Variants in CTDP1 observed in about 807,000 individuals in gnomAD.
CTDP1 encodes RNA polymerase II subunit A C-terminal domain phosphatase.
In CTDP1, 47 loss-of-function variants were observed where a neutral mutation model predicts 91.8. The observed-to-expected ratio is 0.51, with a 90% CI of 0.41 to 0.65. The LOEUF (loss-of-function observed/expected upper bound fraction) is 0.65. Among genes scored for constraint, CTDP1 ranks in the 30% least tolerant of loss-of-function variants. CTDP1 has a pLI of 0.00. For synonymous variants in CTDP1, 656 were observed against 598.5 expected, an observed-to-expected ratio of 1.10 and a Z score of -1.40; for missense variants, 1,272 against 1,373.7, an observed-to-expected ratio of 0.93 and a Z score of 1.17.
intron 10 of CTDP1, among the ~76,000 whole-genome samples, chr18:79,719,701 C>T (rs758911246): frequency 8.0e-5 from 12 of 149,348 alleles, no homozygotes; most frequent in Non-Finnish European, 1.5e-4. Flanking sequence ...GATGTCACCT[C>T]CCATTAGGAA....
intron 11 of CTDP1, among the ~76,000 whole-genome samples, chr18:79,730,520 C>T (rs774553735): frequency 1.1e-3 from 165 of 152,210 alleles, no homozygotes; most frequent in Admixed American, 3.9e-4. Flanking sequence ...CAGCTTTCAG[C>T]CACCCCAAAA....
Position 79,714,925 on chromosome 18 carries a change from G to A in CTDP1, c.1465G>A (p.Ala489Thr). ...GAAAAGAGGCCGGCAGAAGCCGAAG[G>A]CTGCCCCAGAGGGAGCCGGGGCGCT... ...EGKRGRQKPK[A>T]APEGAGALAQ... Residue 489 changes from alanine to threonine, a missense_variant, in exon 8 of 13, where the codon GCT (alanine) becomes ACT (threonine). Transcript: ENST00000613122. The A allele has an allele frequency of 1.3e-6, 2 of 1,564,906 alleles. No individual in the cohort carries two copies. The highest frequency in any genetic ancestry group is 1.7e-6 in the Non-Finnish European group (2 of 1,155,002).
At chr18:79,736,078 T>A in intron 11 of CTDP1, 1 of 524,444 alleles carries the variant, frequency 1.9e-6, no homozygotes. Flanking sequence ...GCACCAGGAA[T>A]AAAGTCCCTG....
chr18:79,684,510 G>A (rs2085443162), intron 1 of CTDP1, among the ~76,000 whole-genome samples: 1 of 152,114 alleles, frequency 6.6e-6, no homozygotes, highest in African/African-American at 2.4e-5. Flanking sequence ...GTGGGTCCGT[G>A]CCCTCGTTGC....
chr18:79,750,606 G>A (rs941530989), intron 12 of CTDP1, among the ~76,000 whole-genome samples: 1 of 148,702 alleles, frequency 6.7e-6, no homozygotes, highest in Middle Eastern at 3.5e-3. Flanking sequence ...CAATTCTCGT[G>A]CCCCGGCTTC....
chr18:79,736,856 C>T (rs115000070), intron 12 of CTDP1, among the ~76,000 whole-genome samples: 8 of 140,778 alleles, frequency 5.7e-5, no homozygotes, highest in African/African-American at 2.1e-4. Flanking sequence ...TGTCTACAGG[C>T]GTGTGTGAGG....
intron 12 of CTDP1, among the ~76,000 whole-genome samples, chr18:79,750,452 C>G (rs368501158): frequency 2.0e-4 from 30 of 152,072 alleles, no homozygotes; most frequent in African/African-American, 6.0e-4. Flanking sequence ...TCGTTTAAAA[C>G]TTGGACGGCA....
chr18:79,711,915 G>C (rs1394700589), intron 6 of CTDP1, among the ~76,000 whole-genome samples: 1 of 124,220 alleles, frequency 8.1e-6, no homozygotes, highest in African/African-American at 3.0e-5. Flanking sequence ...GTAACACCAT[G>C]TCAGGTGTGG....
At chr18:79,711,982 C>T (rs1476485363) in intron 6 of CTDP1, among the ~76,000 whole-genome samples, 1 of 10,068 alleles carries the variant, frequency 9.9e-5, no homozygotes, top group Non-Finnish European at 2.9e-4. Context: ...CTTCCTGGTT[C>T]TCGGTGGCCA....
intron 10 of CTDP1, among the ~76,000 whole-genome samples, chr18:79,720,513 GTGA>G (rs748588661): frequency 3.4e-5 from 5 of 149,242 alleles, no homozygotes; most frequent in South Asian, 4.3e-4. Context: ...TCGTGTCCTA[GTGA>G]TGATGTCACC....
At chr18:79,712,310 C>A (rs551498266) in intron 6 of CTDP1, among the ~76,000 whole-genome samples, 13 of 152,290 alleles carry the variant, frequency 8.5e-5, no homozygotes, top group African/African-American at 3.1e-4. Flanking sequence ...TTGAGACGGT[C>A]TGGCTCGGTC....
At chr18:79,684,799 A>G (rs562065225) in intron 1 of CTDP1, among the ~76,000 whole-genome samples, 1 of 152,370 alleles carries the variant, frequency 6.6e-6, no homozygotes, top group African/African-American at 2.4e-5. Context: ...ATAAGATTGT[A>G]TGTTTTTGTC....
chr18:79,735,224 G>A (rs556385418), intron 11 of CTDP1, among the ~76,000 whole-genome samples: 5 of 152,280 alleles, frequency 3.3e-5, no homozygotes, highest in Admixed American at 2.0e-4. Flanking sequence ...TACCTGCTGC[G>A]GGGGTGGGGT....
At chr18:79,720,058 G>GGTGATGAT (rs2086304819) in intron 10 of CTDP1, among the ~76,000 whole-genome samples, 1 of 148,450 alleles carries the variant, frequency 6.7e-6, no homozygotes, top group Non-Finnish European at 1.5e-5. Context: ...AAGGCGTCCT[G>GGTGATGAT]GTGATGATGT....
At chr18:79,723,490 G>A (rs541277035) in intron 10 of CTDP1, among the ~76,000 whole-genome samples, 8 of 152,308 alleles carry the variant, frequency 5.3e-5, no homozygotes, top group East Asian at 1.9e-4. Context: ...AACGTTGTAC[G>A]TTTTTTCTAA....
At position 79,715,297 on chromosome 18, in the gene CTDP1, A is replaced by G. The variant is rs753719249; in HGVS notation, c.1837A>G (p.Asn613Asp). 7 of 1,610,484 alleles carry G rather than the reference A, an allele frequency of 4.3e-6. No individual in the cohort carries two copies. The highest frequency in any genetic ancestry group is 5.9e-6 in the Non-Finnish European group (7 of 1,178,344). Residue 613 changes from asparagine to aspartate, a missense_variant, in exon 8 of 13, where the codon AAC (asparagine) becomes GAC (aspartate). Physicochemically the swap from Asn to Asp is conservative, Grantham distance 23. Transcript: ENST00000613122. ...DYYAKYDRYL[N>D]KEIEEAPDIR... ...CTATGCCAAGTATGACCGCTACCTC[A>G]ACAAGGAGATCGAGGAGGCGCCGGA...
At position 79,748,798 on chromosome 18, in the gene CTDP1, G is replaced by A. The variant is rs529187660; in HGVS notation, c.2748-4854G>A. ...TCATTATCATGTCTGTGTGTGAGCC[G>A]TGACTGCCTGGGAGCCGTGTCTGCC... On this transcript the variant is annotated intron_variant, in intron 12 of 12. Transcript: ENST00000613122. 9.9e-5 allele frequency among the ~76,000 whole-genome samples: 15 copies of A among 152,206 alleles called. No homozygotes were observed. In the East Asian group the frequency reaches 1.7e-3, roughly 18 times the overall value.
At chr18:79,693,667 G>A (rs1299081118) in intron 1 of CTDP1, among the ~76,000 whole-genome samples, 1 of 152,134 alleles carries the variant, frequency 6.6e-6, no homozygotes, top group Non-Finnish European at 1.5e-5. Context: ...ATAGTCACCG[G>A]CAGCCCACTC....
At chr18:79,688,625 C>T (rs542602018) in intron 1 of CTDP1, among the ~76,000 whole-genome samples, 10 of 152,206 alleles carry the variant, frequency 6.6e-5, no homozygotes, top group Admixed American at 2.0e-4. Context: ...ATCTCGAACT[C>T]CTGACCTCAG....
Sources: allele counts gnomAD v4.1 joint callset (sites outside exome capture counted in the v4.1 genomes callset), GRCh38; gene constraint gnomAD v4.1.1; transcripts MANE v1.5; gene names NCBI Gene and HGNC (gene_info 2026-07-23, HGNC 2026-07-21).